EDN1: variants seen among roughly 807,000 people sequenced by gnomAD.
EDN1 encodes the protein endothelin 1.
Under a neutral mutation model 21.7 loss-of-function variants are expected in EDN1, and 11 were observed. That is an observed-to-expected ratio of 0.51 (90% CI 0.32 to 0.84). The LOEUF (loss-of-function observed/expected upper bound fraction) is 0.84. Among genes scored for constraint, EDN1 ranks in the 40% least tolerant of loss-of-function variants. The pLI, the probability that EDN1 is intolerant of heterozygous loss-of-function variation, is 0.03. For missense variants in EDN1, 244 were observed against 262.3 expected (o/e 0.93, Z 0.48); for synonymous variants, 85 against 90.6 (o/e 0.94, Z 0.35).
chr6:12,294,451 C>G, intron 4 of EDN1, 47 bp downstream of exon 4: 2 of 1,610,142 alleles, frequency 1.2e-6, no homozygotes, highest in Non-Finnish European at 1.7e-6. Flanking sequence ...ACAAGAACAA[C>G]TAGCCCCAGT....
chr6:12,242,308 C>T, the EDN1 span, among the ~76,000 whole-genome samples: 2 of 152,142 alleles, frequency 1.3e-5, no homozygotes, highest in African/African-American at 2.4e-5. Flanking sequence ...AGATTTGACT[C>T]GCCTGATTGC....
the EDN1 span, among the ~76,000 whole-genome samples, chr6:12,270,179 ATAGT>A: frequency 3.9e-5 from 6 of 151,904 alleles, no homozygotes; most frequent in South Asian, 2.1e-4. Context: ...TCTTTATTTC[ATAGT>A]TAGTCTGGCT....
intron 4 of EDN1, among the ~76,000 whole-genome samples, chr6:12,294,831 G>A (rs1334579713): frequency 6.6e-6 from 1 of 151,094 alleles, no homozygotes; most frequent in East Asian, 1.9e-4. Flanking sequence ...TCTTCAATAA[G>A]TTGCAGTTAT....
the EDN1 span, among the ~76,000 whole-genome samples, chr6:12,243,535 ATGGT>A: frequency 6.6e-6 from 1 of 152,186 alleles, no homozygotes; most frequent in Non-Finnish European, 1.5e-5. Context: ...AGTTCCAAGC[ATGGT>A]TAACAAGTCC....
chr6:12,292,278 A>G, intron 1 of EDN1, 63 bp from the exon 2 acceptor site: 2 of 1,605,216 alleles, frequency 1.2e-6, no homozygotes, highest in Non-Finnish European at 1.7e-6. Context: ...CTCTACTGTG[A>G]TCCAGCATGT....
chr6:12,271,144 A>G, the EDN1 span, among the ~76,000 whole-genome samples: 1 of 151,900 alleles, frequency 6.6e-6, no homozygotes, highest in African/African-American at 2.4e-5. Flanking sequence ...CACTTTATAT[A>G]CTTTAATTAT....
chr6:12,280,545 C>T, the EDN1 span, among the ~76,000 whole-genome samples: 2 of 152,222 alleles, frequency 1.3e-5, no homozygotes, highest in Non-Finnish European at 2.9e-5. Context: ...TTTATCTCTA[C>T]ACAATCTTCA....
Position 12,290,444 on chromosome 6 carries a change from ACG to A in EDN1, c.-184_-183del, listed in dbSNP as rs1455193977. On this transcript the variant is annotated 5_prime_UTR_variant, in exon 1 of 5. Coordinates refer to ENST00000379375, the MANE Select transcript of EDN1 (RefSeq NM_001955.5). Reference sequence around the variant, plus strand: ...TCTCCACCGCCGCGTGCGCCTGCAGACGCTCCGCTCGCTGCCTTCTCTCCTGG... The same window carrying A: ...TCTCCACCGCCGCGTGCGCCTGCAGACTCCGCTCGCTGCCTTCTCTCCTGG... 1 of 615,028 alleles carries A rather than the reference ACG, an allele frequency of 1.6e-6. No individual in the cohort carries two copies. The highest frequency in any genetic ancestry group is 2.9e-6 in the Non-Finnish European group (1 of 346,810). 38.1% of individuals were successfully genotyped at this position (615,028 alleles called of 1,614,324 possible). A position where few individuals can be genotyped will look rare whatever the true frequency, so the allele number is the denominator to read the frequency against.
At chr6:12,265,486 C>T in the EDN1 span, among the ~76,000 whole-genome samples, 1 of 152,182 alleles carries the variant, frequency 6.6e-6, no homozygotes, top group Non-Finnish European at 1.5e-5. Flanking sequence ...GACAGAAAGA[C>T]ACCAGACATG....
chr6:12,249,345 G>C, the EDN1 span, among the ~76,000 whole-genome samples: 1,481 of 152,170 alleles, frequency 9.7e-3, 31 homozygotes, highest in African/African-American at 0.034. Flanking sequence ...AAAATCTCAT[G>C]CTTTGAAGAA....
At chr6:12,261,436 G>A in the EDN1 span, among the ~76,000 whole-genome samples, 1 of 152,350 alleles carries the variant, frequency 6.6e-6, no homozygotes. Flanking sequence ...TAGCATGCAT[G>A]TTCCAGATGG....
the EDN1 span, among the ~76,000 whole-genome samples, chr6:12,233,249 G>T: frequency 6.6e-6 from 1 of 152,090 alleles, no homozygotes; most frequent in Non-Finnish European, 1.5e-5. Flanking sequence ...TTTCCATTTT[G>T]CTTGTTTTCA....
the EDN1 span, among the ~76,000 whole-genome samples, chr6:12,258,428 T>G: frequency 4.1e-5 from 5 of 121,720 alleles, no homozygotes; most frequent in African/African-American, 1.7e-4. Flanking sequence ...CCAGCCTGGG[T>G]TTCGGAGTGA....
the EDN1 span, among the ~76,000 whole-genome samples, chr6:12,266,947 C>G: frequency 6.6e-6 from 1 of 152,034 alleles, no homozygotes; most frequent in Admixed American, 6.5e-5. Context: ...CCATGAATCA[C>G]CTGGATGATT....
the EDN1 span, among the ~76,000 whole-genome samples, chr6:12,248,478 T>C: frequency 6.6e-6 from 1 of 152,220 alleles, no homozygotes; most frequent in Non-Finnish European, 1.5e-5. Flanking sequence ...GACATTCTCC[T>C]ATATGCAAAG....
chr6:12,273,328 G>A, the EDN1 span, among the ~76,000 whole-genome samples: 1 of 152,194 alleles, frequency 6.6e-6, no homozygotes, highest in African/African-American at 2.4e-5. Context: ...ATTATGGCTA[G>A]GATAGGATAA....
chr6:12,258,449 CAAAAAA>C, the EDN1 span, among the ~76,000 whole-genome samples: 2 of 63,658 alleles, frequency 3.1e-5, no homozygotes, highest in African/African-American at 9.8e-5. Context: ...GATCATGTCT[CAAAAAA>C]AAAAAAAAAA....
the EDN1 span, among the ~76,000 whole-genome samples, chr6:12,273,379 G>T: frequency 6.6e-6 from 1 of 152,140 alleles, no homozygotes; most frequent in African/African-American, 2.4e-5. Flanking sequence ...TAGGGAGGAA[G>T]GGCAAAGGGA....
the EDN1 span, among the ~76,000 whole-genome samples, chr6:12,247,927 G>T: frequency 6.6e-6 from 1 of 152,022 alleles, no homozygotes; most frequent in African/African-American, 2.4e-5. Context: ...CTCTGTATTT[G>T]GAGACAGAGT....
Sources: allele counts gnomAD v4.1 joint callset (sites outside exome capture counted in the v4.1 genomes callset), GRCh38; gene constraint gnomAD v4.1.1; transcripts MANE v1.5; gene names NCBI Gene and HGNC (gene_info 2026-07-23, HGNC 2026-07-21).